Variants in ZNF717 observed in about 807,000 individuals in gnomAD.
The protein encoded by ZNF717 is zinc finger protein 717.
A neutral mutation model predicts 13.8 loss-of-function variants in ZNF717; 9 were observed. The ratio of observed to expected loss-of-function variants is 0.65; its 90% CI spans 0.39 to 1.14. The LOEUF (loss-of-function observed/expected upper bound fraction) is 1.14, where lower values mean the gene tolerates loss of function less well. Among genes scored for constraint, ZNF717 ranks in the 50% most tolerant of loss-of-function variants. The probability of loss-of-function intolerance (pLI) is 0.01; values close to 1 mark genes in which losing one functional copy is unlikely to be tolerated. For synonymous variants in ZNF717, 327 were observed against 364.1 expected, an observed-to-expected ratio of 0.90 and a Z score of 1.16; for missense variants, 1,040 against 1,080.7, an observed-to-expected ratio of 0.96 and a Z score of 0.53.
At chr3:75,764,205 A>G (rs917758736) in intron 2 of ZNF717, among the ~76,000 whole-genome samples, 3 of 152,164 alleles carry the variant, frequency 2.0e-5, no homozygotes, top group South Asian at 2.1e-4. Flanking sequence ...TGAGTGGCCA[A>G]TGTGGGCTCT....
intron 5 of ZNF717, among the ~76,000 whole-genome samples, chr3:75,715,811 G>A (rs1324829846): frequency 5.9e-5 from 9 of 152,028 alleles, no homozygotes; most frequent in African/African-American, 1.2e-4. Flanking sequence ...CTCTATAATT[G>A]CAGGTTTTTC....
At chr3:75,741,215 C>G in intron 4 of ZNF717, 61 bp downstream of exon 4, 1 of 1,006,198 alleles carries the variant, frequency 9.9e-7, no homozygotes, top group East Asian at 2.6e-5. Flanking sequence ...CAAGATAACA[C>G]TACAAAAATT....
downstream of ZNF717, among the ~76,000 whole-genome samples, chr3:75,709,361 G>A (rs1403025828): frequency 1.3e-5 from 2 of 152,116 alleles, no homozygotes; most frequent in African/African-American, 4.8e-5. Flanking sequence ...ATCACCAAGG[G>A]GATGGTGCTA....
chr3:75,762,534 A>C (rs924223871), intron 2 of ZNF717, among the ~76,000 whole-genome samples: 1 of 152,196 alleles, frequency 6.6e-6, no homozygotes, highest in Admixed American at 6.5e-5. Context: ...GAACACCAAA[A>C]ACTACAAAAC....
At chr3:75,778,867 A>G (rs1226755374) in intron 2 of ZNF717, among the ~76,000 whole-genome samples, 3 of 151,656 alleles carry the variant, frequency 2.0e-5, no homozygotes, top group African/African-American at 7.3e-5. Context: ...AAACAATGGG[A>G]GTGATGCGCA....
At chr3:75,727,549 G>A (rs796163650), downstream of ZNF717, among the ~76,000 whole-genome samples, 1 of 152,158 alleles carries the variant, frequency 6.6e-6, no homozygotes, top group African/African-American at 2.4e-5. Context: ...GGGAGTGTCT[G>A]TCTTATGTGG....
chr3:75,717,083 C>A (rs1575719533), intron 4 of ZNF717, among the ~76,000 whole-genome samples: 2 of 152,086 alleles, frequency 1.3e-5, no homozygotes, highest in South Asian at 2.1e-4. Context: ...AGGTTTTGCA[C>A]AATTTGGGGA....
intron 2 of ZNF717, among the ~76,000 whole-genome samples, chr3:75,782,914 A>G (rs565101220): frequency 6.6e-6 from 1 of 152,238 alleles, no homozygotes; most frequent in Admixed American, 6.5e-5. Context: ...GCACAACACT[A>G]CAAGTATTTA....
chr3:75,707,139 G>C (rs1298187270), downstream of ZNF717, among the ~76,000 whole-genome samples: 1 of 152,288 alleles, frequency 6.6e-6, no homozygotes, highest in Non-Finnish European at 1.5e-5. Context: ...CACAGGCTCT[G>C]GGAAACACAC....
chr3:75,704,756 C>T (rs1180726953), downstream of ZNF717, among the ~76,000 whole-genome samples: 6 of 152,266 alleles, frequency 3.9e-5, no homozygotes, highest in Non-Finnish European at 2.9e-5. Context: ...TGGAGGCTGC[C>T]CCAGGAAAGA....
At chr3:75,726,225 A>T (rs1938275991), downstream of ZNF717, among the ~76,000 whole-genome samples, 10 of 152,380 alleles carry the variant, frequency 6.6e-5, no homozygotes, top group South Asian at 2.1e-3. Flanking sequence ...AGAAAATAGC[A>T]TTGGGCTGTG....
intron 2 of ZNF717, among the ~76,000 whole-genome samples, chr3:75,748,761 A>C (rs1158179350): frequency 6.6e-6 from 1 of 152,206 alleles, no homozygotes; most frequent in African/African-American, 2.4e-5. Flanking sequence ...AACTGGAAGG[A>C]TTCCCTTTGA....
intron 2 of ZNF717, among the ~76,000 whole-genome samples, chr3:75,757,709 T>G (rs1942613110): frequency 6.6e-6 from 1 of 152,208 alleles, no homozygotes; most frequent in Non-Finnish European, 1.5e-5. Flanking sequence ...TAGAAAGTGA[T>G]TCCTTTGATG....
chr3:75,737,609 T>G lies in ZNF717; in HGVS notation c.2014A>C (p.Lys672Gln). The change falls in exon 5 of 5, where the codon AAA (lysine) becomes CAA (glutamine). Residue 672 changes from lysine to glutamine, a missense_variant. By Grantham distance (53) the Lys-to-Gln change is moderately conservative (BLOSUM62 1). This residue lies in a region of ZNF717 where 873 missense variants were observed against 832.8 expected (regional missense o/e 1.05). Transcript: ENST00000652011. ...ACATTCATTACATCCATACGGTTTT[T>G]CCCCGTGTGAGTTCTCTGGTGTATG... is the stretch of plus-strand genomic sequence containing the variant. Reference protein sequence around the residue: ...LTIHQRTHTGKNRMDVMNVEK... With the variant: ...LTIHQRTHTGQNRMDVMNVEK... The G allele has an allele frequency of 3.9e-6, 6 of 1,545,486 alleles. No individual in the cohort carries two copies. Among genetic ancestry groups the G allele is most frequent in the Non-Finnish European group, 5.2e-6 (6 of 1,145,116 alleles).
chr3:75,727,182 C>T (rs1347712461), downstream of ZNF717, among the ~76,000 whole-genome samples: 25 of 152,294 alleles, frequency 1.6e-4, no homozygotes, highest in East Asian at 7.7e-4. Context: ...GGATGTATGT[C>T]GCCTCAAGAC....
At chr3:75,732,054 A>G (rs1938606160), downstream of ZNF717, 1 of 702,858 alleles carries the variant, frequency 1.4e-6, no homozygotes, top group South Asian at 1.5e-5. Context: ...ATATTGTAAA[A>G]TTTACCTCCT....
chr3:75,746,558 T>C (rs1272492002), intron 2 of ZNF717, among the ~76,000 whole-genome samples: 1 of 152,336 alleles, frequency 6.6e-6, no homozygotes, highest in Non-Finnish European at 1.5e-5. Context: ...TTCCTGACTT[T>C]TTAATGATCG....
In ZNF717 at chr3:75,742,381, T is replaced by C. The variant is rs1189743552; in HGVS notation, c.58-645A>G. ...CTCAAAGGAGCTCATGATCTGGTTA[T>C]GAATATATAAGTATAAACACATACT... On this transcript the variant is annotated intron_variant, in intron 2 of 4. Coordinates refer to ENST00000652011, the MANE Select transcript of ZNF717 (RefSeq NM_001290208.3). 7.3e-3 allele frequency among the ~76,000 whole-genome samples: 1,100 copies of C among 150,680 alleles called. 3 individuals are homozygous for C. The highest frequency in any genetic ancestry group is 0.024 in the African/African-American group (994 of 41,068).
chr3:75,750,281 C>T (rs1482071715), intron 2 of ZNF717, among the ~76,000 whole-genome samples: 3 of 149,046 alleles, frequency 2.0e-5, no homozygotes, highest in Admixed American at 1.3e-4. Flanking sequence ...CAAAGGATCC[C>T]AGAACACTGC....
Sources: allele counts gnomAD v4.1 joint callset (sites outside exome capture counted in the v4.1 genomes callset), GRCh38; gene constraint gnomAD v4.1.1; regional missense constraint gnomAD v4.1.1; transcripts MANE v1.5; gene names NCBI Gene and HGNC (gene_info 2026-07-23, HGNC 2026-07-21).